ABHD2: variants seen among roughly 807,000 people sequenced by gnomAD.
ABHD2 encodes monoacylglycerol lipase ABHD2.
In ABHD2, 20 loss-of-function variants were observed where a neutral mutation model predicts 48.1. The ratio of observed to expected loss-of-function variants is 0.42; its 90% CI spans 0.29 to 0.60. The LOEUF is 0.60. Among genes scored for constraint, ABHD2 ranks in the 20% least tolerant of loss-of-function variants. ABHD2 has a pLI of 0.24. For missense variants in ABHD2, 405 were observed against 550.9 expected, an observed-to-expected ratio of 0.74 and a Z score of 2.65; for synonymous variants, 209 against 214.2, an observed-to-expected ratio of 0.98 and a Z score of 0.21.
At chr15:89,049,814 G>A in the ABHD2 span, among the ~76,000 whole-genome samples, 11 of 152,264 alleles carry the variant, frequency 7.2e-5, no homozygotes, top group South Asian at 8.3e-4. Flanking sequence ...AGATGAACCC[G>A]GTACCTCAGA....
At chr15:89,055,956 C>T in the ABHD2 span, among the ~76,000 whole-genome samples, 24 of 152,054 alleles carry the variant, frequency 1.6e-4, no homozygotes, top group African/African-American at 5.1e-4. Context: ...CTTGACCTCC[C>T]GGGCTCACAC....
the ABHD2 span, among the ~76,000 whole-genome samples, chr15:89,042,591 T>C: frequency 0.051 from 1,287 of 25,060 alleles, 15 homozygotes; most frequent in African/African-American, 0.2. Flanking sequence ...TTCTTTCTTA[T>C]TTATTTATTT....
At position 89,188,883 on chromosome 15, in the gene ABHD2, TAAAA is replaced by T. The variant is rs34046140; in HGVS notation, c.926+592_926+595del. On this transcript the variant is annotated intron_variant, in intron 8 of 10. Coordinates refer to ENST00000352732, the MANE Select transcript of ABHD2 (RefSeq NM_152924.5). The surrounding 1 kb of genome is among the most constrained non-coding windows in gnomAD (Gnocchi z 4.1). ...GACACAGCAAGACCCTTCTCAAAAT[TAAAA>T]AAAAAAAAAAAGAAGTAGAAAAACA... 1.5e-5 allele frequency among the ~76,000 whole-genome samples: 2 copies of T among 135,576 alleles called. No individual in the cohort carries two copies. Among genetic ancestry groups the T allele is most frequent in the East Asian group, 4.3e-4 (2 of 4,650 alleles). 88.9% of individuals were successfully genotyped at this position (135,576 alleles called of 152,430 possible).
chr15:89,041,514 C>G, the ABHD2 span, among the ~76,000 whole-genome samples: 1 of 152,260 alleles, frequency 6.6e-6, no homozygotes, highest in Non-Finnish European at 1.5e-5. Flanking sequence ...TCTGGATCTA[C>G]TGCAGTGACT....
At chr15:89,062,759 G>T in the ABHD2 span, among the ~76,000 whole-genome samples, 5 of 152,062 alleles carry the variant, frequency 3.3e-5, no homozygotes, top group Non-Finnish European at 4.4e-5. Context: ...AGCAATAAAA[G>T]AATAGGAGCA....
intron 5 of ABHD2, among the ~76,000 whole-genome samples, chr15:89,163,064 G>A (rs1201982544): frequency 2.0e-5 from 3 of 152,212 alleles, no homozygotes; most frequent in Admixed American, 2.0e-4. Context: ...TTGAGCAGAT[G>A]CCAGGCATTC....
intron 4 of ABHD2, among the ~76,000 whole-genome samples, chr15:89,152,422 G>A (rs1443051174): frequency 6.6e-6 from 1 of 152,192 alleles, no homozygotes; most frequent in South Asian, 2.1e-4. Context: ...GAAGCTTGAT[G>A]TACGGGGATG....
chr15:89,160,522 A>G (rs1441647230), intron 5 of ABHD2, among the ~76,000 whole-genome samples: 1 of 150,594 alleles, frequency 6.6e-6, no homozygotes, highest in African/African-American at 2.4e-5. Flanking sequence ...CATTTGAACC[A>G]AAGAATTATT....
chr15:89,053,922 C>A, the ABHD2 span, among the ~76,000 whole-genome samples: 1 of 152,200 alleles, frequency 6.6e-6, no homozygotes, highest in Non-Finnish European at 1.5e-5. Flanking sequence ...CTTGAAATGA[C>A]CACTCACTTG....
chr15:89,154,060 A>G (rs1042562046), intron 4 of ABHD2, among the ~76,000 whole-genome samples: 3 of 152,146 alleles, frequency 2.0e-5, no homozygotes, highest in South Asian at 2.1e-4. Context: ...AAGAATTGGA[A>G]TTTACTAGGT....
intron 3 of ABHD2, among the ~76,000 whole-genome samples, chr15:89,121,911 C>T (rs2050057568): frequency 6.6e-6 from 1 of 152,216 alleles, no homozygotes; most frequent in Admixed American, 6.5e-5. Flanking sequence ...TCACCGTAAC[C>T]TCAAACTCCT....
At chr15:89,054,549 T>TGAC in the ABHD2 span, among the ~76,000 whole-genome samples, 1 of 148,372 alleles carries the variant, frequency 6.7e-6, no homozygotes, top group South Asian at 2.2e-4. Flanking sequence ...GGGTTGGTGG[T>TGAC]GCACGCCTGT....
chr15:89,147,575 G>A (rs1006418662), intron 3 of ABHD2, among the ~76,000 whole-genome samples: 2 of 150,768 alleles, frequency 1.3e-5, no homozygotes, highest in East Asian at 2.0e-4. Context: ...GGATGGTCTC[G>A]ATCTCCTGAC....
At chr15:89,077,878 G>C in the ABHD2 span, among the ~76,000 whole-genome samples, 1 of 152,112 alleles carries the variant, frequency 6.6e-6, no homozygotes, top group Non-Finnish European at 1.5e-5. Context: ...ACTGTGGACA[G>C]CTTTTGCAAC....
chr15:89,187,011 T>C (rs2051221738), intron 7 of ABHD2, among the ~76,000 whole-genome samples: 1 of 152,182 alleles, frequency 6.6e-6, no homozygotes, highest in African/African-American at 2.4e-5. Context: ...TGGCTCATGT[T>C]GTTTGAGATT....
chr15:89,127,383 G>A (rs1206174233), intron 3 of ABHD2, among the ~76,000 whole-genome samples: 1 of 152,110 alleles, frequency 6.6e-6, no homozygotes, highest in African/African-American at 2.4e-5. Context: ...AGAACCATCT[G>A]TAGCCTCCCA....
chr15:89,048,908 A>ATTCTCAGTCCAGC, the ABHD2 span, among the ~76,000 whole-genome samples: 1 of 122,356 alleles, frequency 8.2e-6, no homozygotes, highest in Non-Finnish European at 1.7e-5. Flanking sequence ...CGTCAAAGTC[A>ATTCTCAGTCCAGC]TTTGTTCCGT....
chr15:89,118,479 T>G (rs2049997164), intron 3 of ABHD2, among the ~76,000 whole-genome samples: 1 of 152,202 alleles, frequency 6.6e-6, no homozygotes. Flanking sequence ...GCCTGAATTT[T>G]TTTTAATACT....
the ABHD2 span, among the ~76,000 whole-genome samples, chr15:89,077,578 G>A: frequency 6.6e-6 from 1 of 151,902 alleles, no homozygotes; most frequent in Non-Finnish European, 1.5e-5. Context: ...TACCTCTCTG[G>A]CCTCAGTTTC....
Sources: allele counts gnomAD v4.1 joint callset (sites outside exome capture counted in the v4.1 genomes callset), GRCh38; gene constraint gnomAD v4.1.1; non-coding constraint Gnocchi (gnomAD v3.1); transcripts MANE v1.5; gene names NCBI Gene and HGNC (gene_info 2026-07-23, HGNC 2026-07-21).